Variants in CCDC9 observed in about 807,000 individuals in gnomAD.
CCDC9 encodes coiled-coil domain-containing protein 9.
CCDC9 carries 52 observed loss-of-function variants against 65.6 expected under a neutral mutation model. That is an observed-to-expected ratio of 0.79 (90% CI 0.63 to 1.00). The LOEUF (loss-of-function observed/expected upper bound fraction) is 1.00, where lower values mean the gene tolerates loss of function less well. Among genes scored for constraint, CCDC9 ranks in the 50% least tolerant of loss-of-function variants. The probability of loss-of-function intolerance (pLI) is 0.00; values close to 1 mark genes in which losing one functional copy is unlikely to be tolerated. For synonymous variants in CCDC9, 332 were observed against 280.3 expected (o/e 1.18, Z -1.84); for missense variants, 834 against 757.2 (o/e 1.10, Z -1.19).
rs149479549 is a variant in CCDC9, at chr19:47,258,610, A to G, written c.55A>G (p.Lys19Glu). Residue 19 changes from lysine to glutamate, a missense_variant, in exon 3 of 12, where the codon AAG (lysine) becomes GAG (glutamate). Lys to Glu is a moderately conservative substitution (Grantham distance 56). Transcript: ENST00000221922. ...SKEEKDAELD[K>E]RIEALRRKNE... is the part of the protein sequence containing the mutation. The stretch of plus-strand genomic sequence containing the variant: ...GGAGGAGAAGGATGCTGAGTTGGAC[A>G]AGAGGATCGAGGCTCTTCGGCGGAA... The G allele has an allele frequency of 6.2e-7, 1 of 1,614,160 alleles. No individual in the cohort carries two copies. The highest frequency in any genetic ancestry group is 1.3e-5 in the African/African-American group (1 of 75,026).
At chr19:47,266,013 T>TTTTTGAAA (rs2059080036) in intron 7 of CCDC9, among the ~76,000 whole-genome samples, 1 of 95,702 alleles carries the variant, frequency 1.0e-5, no homozygotes, top group African/African-American at 3.8e-5. Flanking sequence ...TTTTTTTTTT[T>TTTTTGAAA]GAGACAGAGT....
At chr19:47,257,984 G>A (rs1437512857) in intron 1 of CCDC9, 2 of 238,898 alleles carry the variant, frequency 8.4e-6, no homozygotes, top group Non-Finnish European at 8.3e-6. Flanking sequence ...GGGAACCCGG[G>A]CTAACACTCA....
At chr19:47,274,989 C>T (rs1409944784), downstream of CCDC9, 29 of 1,467,382 alleles carry the variant, frequency 2.0e-5, no homozygotes, top group Non-Finnish European at 2.3e-5. Context: ...CGAGGGCCCG[C>T]GGGGGCGCTG....
Position 47,259,174 on chromosome 19 carries a change from T to C in CCDC9, c.108+511T>C, listed in dbSNP as rs532241782. ...AGGCAGAAAGAACAGTTTGTGCAAA[T>C]GTTGGAAGCAAGAGAGAGCTTGGAG... On this transcript the variant is annotated intron_variant, in intron 3 of 11. Transcript: ENST00000221922. Among the ~76,000 whole-genome samples the C allele has an allele frequency of 3.3e-5, 5 of 152,238 alleles. No homozygotes were observed. In the South Asian group the frequency reaches 1.0e-3, roughly 32 times the overall value.
At chr19:47,273,472 G>A (rs2123492165), downstream of CCDC9, 2 of 1,006,292 alleles carry the variant, frequency 2.0e-6, no homozygotes, top group Admixed American at 4.3e-5. Flanking sequence ...CGCGCCCGCC[G>A]GACCGCGGCC....
intron 6 of CCDC9, 36 bp from the exon 7 acceptor site, chr19:47,264,737 G>A (rs764635988): frequency 5.6e-6 from 9 of 1,603,678 alleles, no homozygotes; most frequent in Admixed American, 3.4e-5. Flanking sequence ...TGGGCTGCGG[G>A]GAGCCCGCGC....
intron 7 of CCDC9, among the ~76,000 whole-genome samples, chr19:47,265,243 C>T (rs1173056516): frequency 1.3e-5 from 2 of 152,068 alleles, no homozygotes; most frequent in Non-Finnish European, 2.9e-5. Context: ...TTTGTAGAGA[C>T]GGGGTTTCAC....
Position 47,271,723 on chromosome 19 carries a change from G to T in CCDC9, c.*45G>T. 1 of 1,253,452 alleles carries T rather than the reference G, an allele frequency of 8.0e-7. No homozygotes were observed. Among genetic ancestry groups the T allele is most frequent in the Non-Finnish European group, 1.0e-6 (1 of 975,794 alleles). The allele number at this position is 1,253,452 out of a possible 1,614,324, so 77.6% of individuals were successfully genotyped here. A position where few individuals can be genotyped will look rare whatever the true frequency, so the allele number is the denominator to read the frequency against. ...TGTGTGTGTGTGTGTGTGTGTGTGT[G>T]TGTGTGTGTGCGCGCGCGCGCGCGC... On this transcript the variant is annotated 3_prime_UTR_variant, in exon 12 of 12. Transcript: ENST00000221922.
chr19:47,270,978 C>A, intron 10 of CCDC9, 104 bp from the exon 11 acceptor site: 1 of 886,956 alleles, frequency 1.1e-6, no homozygotes, highest in Non-Finnish European at 1.8e-6. Context: ...CTCCACCATG[C>A]CAGATGCTCT....
chr19:47,275,508 C>G (rs73943650), downstream of CCDC9: 1 of 1,045,054 alleles, frequency 9.6e-7, no homozygotes, highest in African/African-American at 1.7e-5. Context: ...GGGGTGTCAG[C>G]TCGGGGCCTT....
chr19:47,275,265 C>A (rs1391699696), downstream of CCDC9: 3 of 1,542,454 alleles, frequency 1.9e-6, no homozygotes, highest in African/African-American at 1.4e-5. Context: ...CCGCCGCCGC[C>A]GCTACAGCGA....
chr19:47,275,652 C>G (rs2059155958), downstream of CCDC9: 1 of 443,032 alleles, frequency 2.3e-6, no homozygotes, highest in African/African-American at 2.1e-5. Context: ...TCTTCACCTC[C>G]CTGAATCCGT....
In CCDC9 at chr19:47,271,120, C is replaced by A; in HGVS notation, c.1124C>A (p.Ala375Glu). ...DDRWETKEGAASPAPETPQPT... is the reference protein window; with the variant it reads ...DDRWETKEGAESPAPETPQPT... The stretch of plus-strand genomic sequence containing the variant: ...CGCTGGGAGACAAAAGAAGGGGCAG[C>A]ATCCCCAGCCCCTGAGACTCCACAG... Residue 375 changes from alanine to glutamate, a missense_variant, in exon 11 of 12, where the codon GCA becomes GAA. Ala to Glu is a moderately radical substitution (Grantham distance 107). Transcript: ENST00000221922. 6.4e-7 allele frequency: 1 copy of A among 1,572,036 alleles called. No individual in the cohort carries two copies. The highest frequency in any genetic ancestry group is 8.6e-7 in the Non-Finnish European group (1 of 1,160,616).
At chr19:47,273,483 T>G (rs529007106), downstream of CCDC9, 3 of 849,418 alleles carry the variant, frequency 3.5e-6, no homozygotes, top group Admixed American at 4.3e-5. Context: ...GACCGCGGCC[T>G]CCGCGCTCTG....
intron 3 of CCDC9, among the ~76,000 whole-genome samples, chr19:47,259,916 A>G (rs2059033693): frequency 6.6e-6 from 1 of 152,186 alleles, no homozygotes; most frequent in Admixed American, 6.5e-5. Context: ...GCAGAGACCT[A>G]CAGGAGGTGA....
chr19:47,256,890 T>C (rs1395106296), intron 1 of CCDC9, among the ~76,000 whole-genome samples: 3 of 150,322 alleles, frequency 2.0e-5, no homozygotes, highest in Admixed American at 6.6e-5. Flanking sequence ...CTTGTTCAGC[T>C]GTGTGGCGGG....
At chr19:47,265,017 C>G (rs2059071956) in intron 7 of CCDC9, 71 bp downstream of exon 7, 22 of 1,269,398 alleles carry the variant, frequency 1.7e-5, no homozygotes, top group Non-Finnish European at 2.1e-5. Context: ...AGGAACCAGA[C>G]AGATCAGGGC....
At position 47,269,951 on chromosome 19, in the gene CCDC9, C is replaced by A. The variant is rs376028615; in HGVS notation, c.903-456C>A. 2.6e-5 allele frequency among the ~76,000 whole-genome samples: 4 copies of A among 151,860 alleles called. No homozygotes were observed. The South Asian group carries it at 6.2e-4, about 24-fold the overall frequency. The stretch of plus-strand genomic sequence containing the variant: ...ACTATGCTGTCAAATTTGCCTCTTG[C>A]CCATCACCTGGTCCTATCCTTTGTT... On this transcript the variant is annotated intron_variant, in intron 8 of 11. Transcript: ENST00000221922.
rs574118813 is a variant in CCDC9, at chr19:47,260,797, C to T, written c.420C>T (p.Leu140=). ...RRGRGRGSPH[L]SGAGDTSISD... ...GCCGGGGCCGAGGTTCACCTCACCT[C>T]TCTGGAGCTGGAGACACCTCAATCT... The change falls in exon 5 of 12, where the codon CTC becomes CTT. Residue 140 remains leucine, a synonymous_variant. Transcript: ENST00000221922. 2.5e-6 allele frequency: 4 copies of T among 1,613,480 alleles called. No homozygotes were observed. Among genetic ancestry groups the T allele is most frequent in the South Asian group, 2.2e-5 (2 of 91,054 alleles).
Sources: gnomAD v4.1 joint callset for allele counts (sites outside exome capture counted in the v4.1 genomes callset) on GRCh38, gnomAD v4.1.1 for gene constraint, MANE v1.5 for transcripts, NCBI Gene and HGNC (gene_info 2026-07-23, HGNC 2026-07-21) for gene names.